Variants in MAP4K3 observed in about 807,000 individuals in gnomAD.
MAP4K3 encodes the protein MAPK/ERK kinase kinase kinase 3.
Under a neutral mutation model 143.5 loss-of-function variants are expected in MAP4K3, and 94 were observed. The observed-to-expected ratio is 0.65, with a 90% CI of 0.55 to 0.78. The LOEUF is 0.78. MAP4K3 is among the 30% of genes least tolerant of loss of function. The probability of loss-of-function intolerance (pLI) is 0.00; values close to 1 mark genes in which losing one functional copy is unlikely to be tolerated. For synonymous variants in MAP4K3, 416 were observed against 347.2 expected (o/e 1.20, Z -2.20); for missense variants, 1,077 against 1,068.1 (o/e 1.01, Z -0.12).
At chr2:39,416,424 T>C (rs930598426) in intron 1 of MAP4K3, among the ~76,000 whole-genome samples, 1 of 152,090 alleles carries the variant, frequency 6.6e-6, no homozygotes, top group Non-Finnish European at 1.5e-5. Flanking sequence ...AAGAGACATA[T>C]GTGAAGAGGG....
At chr2:39,319,481 T>C (rs1459657227) in intron 12 of MAP4K3, among the ~76,000 whole-genome samples, 1 of 152,076 alleles carries the variant, frequency 6.6e-6, no homozygotes. Context: ...ACTGTGGGAT[T>C]TGGGTATGCA....
At chr2:39,257,685 G>C (rs1236368660) in intron 31 of MAP4K3, among the ~76,000 whole-genome samples, 1 of 150,944 alleles carries the variant, frequency 6.6e-6, no homozygotes, top group African/African-American at 2.4e-5. Flanking sequence ...TGTAATCCCA[G>C]CTACTCGGGA....
intron 3 of MAP4K3, among the ~76,000 whole-genome samples, chr2:39,353,525 G>A (rs972174716): frequency 6.6e-6 from 1 of 152,046 alleles, no homozygotes; most frequent in Non-Finnish European, 1.5e-5. Context: ...ACTTTTGTCT[G>A]TTTTACTTTG....
Position 39,265,266 on chromosome 2 carries a change from T to C in MAP4K3, c.2073A>G (p.Ala691=), listed in dbSNP as rs143766353. 6.2e-7 allele frequency: 1 copy of C among 1,613,608 alleles called. No individual in the cohort carries two copies. Among genetic ancestry groups the C allele is most frequent in the Admixed American group, 1.7e-5 (1 of 60,012 alleles). Reference sequence around the variant, plus strand: ...CTAATAGAACAATGCTAGTCTGAAGTGCTCCACATAGGTATTTATGGCCCG... The same window carrying C: ...CTAATAGAACAATGCTAGTCTGAAGCGCTCCACATAGGTATTTATGGCCCG... ...PYTGHKYLCG[A]LQTSIVLLEW... The change falls in exon 28 of 34, where the codon GCA becomes GCG. Residue 691 remains alanine, a synonymous_variant. Coordinates refer to ENST00000263881, the MANE Select transcript of MAP4K3 (RefSeq NM_003618.4).
intron 12 of MAP4K3, chr2:39,323,700 T>C (rs561084094): frequency 6.6e-6 from 1 of 152,194 alleles, no homozygotes; most frequent in East Asian, 1.9e-4. Flanking sequence ...ATAGAAAAGA[T>C]ACTTGCTCTG....
chr2:39,418,676 C>G (rs1667460506), intron 1 of MAP4K3, among the ~76,000 whole-genome samples: 1 of 151,806 alleles, frequency 6.6e-6, no homozygotes, highest in Non-Finnish European at 1.5e-5. Flanking sequence ...ATTATGTCAA[C>G]AGCATACATA....
At chr2:39,353,729 G>C (rs1017878874) in intron 3 of MAP4K3, among the ~76,000 whole-genome samples, 2 of 151,832 alleles carry the variant, frequency 1.3e-5, no homozygotes, top group African/African-American at 4.8e-5. Context: ...TTAAGAAGTA[G>C]TAGTAGTAGC....
chr2:39,358,809 G>A (rs1215770948), intron 2 of MAP4K3, among the ~76,000 whole-genome samples: 1 of 152,160 alleles, frequency 6.6e-6, no homozygotes, highest in Non-Finnish European at 1.5e-5. Flanking sequence ...ATCACGAGTA[G>A]AGCAGCAGAG....
At chr2:39,392,874 C>T (rs755650491) in intron 1 of MAP4K3, among the ~76,000 whole-genome samples, 3 of 152,184 alleles carry the variant, frequency 2.0e-5, no homozygotes, top group Non-Finnish European at 2.9e-5. Context: ...GATGCCATCG[C>T]CATGCTCTTG....
At chr2:39,269,433 C>T (rs1680918870) in intron 26 of MAP4K3, among the ~76,000 whole-genome samples, 1 of 147,594 alleles carries the variant, frequency 6.8e-6, no homozygotes, top group African/African-American at 2.5e-5. Flanking sequence ...AGGTAGGTTA[C>T]AGCATAGAAA....
chr2:39,435,306 T>C (rs1273848207), intron 1 of MAP4K3, among the ~76,000 whole-genome samples: 2 of 152,160 alleles, frequency 1.3e-5, no homozygotes, highest in Admixed American at 6.6e-5. Context: ...AAGCCTGCAA[T>C]AGTTCCCCAT....
At chr2:39,414,541 C>T (rs1055622745) in intron 1 of MAP4K3, among the ~76,000 whole-genome samples, 2 of 152,148 alleles carry the variant, frequency 1.3e-5, no homozygotes, top group African/African-American at 2.4e-5. Flanking sequence ...TCTCTTTCTT[C>T]TACTCTGTCT....
In MAP4K3 at chr2:39,344,048, T is replaced by C. The variant is rs555018068; in HGVS notation, c.246-596A>G. Reference sequence around the variant, plus strand: ...CATTCATTATTTAATCTCTTAAAAATGTACCAGGAAATGTACCATTCATGG... The same window carrying C: ...CATTCATTATTTAATCTCTTAAAAACGTACCAGGAAATGTACCATTCATGG... On this transcript the variant is annotated intron_variant, in intron 3 of 33. Transcript: ENST00000263881. Among the ~76,000 whole-genome samples, 5 of 152,328 alleles carry C rather than the reference T, an allele frequency of 3.3e-5. No homozygotes were observed. In the East Asian group the frequency reaches 9.6e-4, roughly 29 times the overall value.
intron 31 of MAP4K3, among the ~76,000 whole-genome samples, chr2:39,256,711 A>G (rs2148434611): frequency 6.6e-6 from 1 of 152,348 alleles, no homozygotes; most frequent in South Asian, 2.1e-4. Flanking sequence ...TTTTAGCATC[A>G]GTATTAAACA....
At chr2:39,358,605 A>G (rs1319887271) in intron 2 of MAP4K3, among the ~76,000 whole-genome samples, 2 of 152,238 alleles carry the variant, frequency 1.3e-5, no homozygotes, top group African/African-American at 4.8e-5. Context: ...TGATTGTGAG[A>G]ATGGTCAAAT....
At chr2:39,413,407 A>G (rs1014319043) in intron 1 of MAP4K3, among the ~76,000 whole-genome samples, 4 of 152,122 alleles carry the variant, frequency 2.6e-5, no homozygotes, top group African/African-American at 9.7e-5. Flanking sequence ...ATTAAGGCAG[A>G]AGTCTGGAAA....
intron 2 of MAP4K3, among the ~76,000 whole-genome samples, chr2:39,375,176 A>G (rs1666184387): frequency 6.6e-6 from 1 of 152,020 alleles, no homozygotes; most frequent in Non-Finnish European, 1.5e-5. Flanking sequence ...GAAGTATACC[A>G]TGAGCCCAGG....
chr2:39,427,604 G>T (rs1233044380), intron 1 of MAP4K3, among the ~76,000 whole-genome samples: 1 of 152,142 alleles, frequency 6.6e-6, no homozygotes, highest in African/African-American at 2.4e-5. Flanking sequence ...AACAGAGAAA[G>T]ATCAGTTAAC....
chr2:39,378,102 C>T lies in MAP4K3; in HGVS notation c.118G>A (p.Glu40Lys), dbSNP rs757084005. The change falls in exon 2 of 34, where the codon GAA (glutamate) becomes AAA (lysine). Residue 40 changes from glutamate to lysine, a missense_variant. Coordinates refer to ENST00000263881, the MANE Select transcript of MAP4K3 (RefSeq NM_003618.4). ...TTTATTACTTTAATTGCTGCTAATT[C>T]ACCAGTGTTAACATTCCGTGCCTAA... is the stretch of plus-strand genomic sequence containing the variant. ...VYKARNVNTG[E>K]LAAIKVIKLE... 1 of 1,591,412 alleles carries T rather than the reference C, an allele frequency of 6.3e-7. No homozygotes were observed. Among genetic ancestry groups the T allele is most frequent in the Non-Finnish European group, 8.6e-7 (1 of 1,168,824 alleles).
Sources: allele counts gnomAD v4.1 joint callset (sites outside exome capture counted in the v4.1 genomes callset), GRCh38; gene constraint gnomAD v4.1.1; transcripts MANE v1.5; gene names NCBI Gene and HGNC (gene_info 2026-07-23, HGNC 2026-07-21).